ACAP1: variants seen among roughly 807,000 people sequenced by gnomAD.
ACAP1 encodes the protein arf-GAP with coiled-coil, ANK repeat and PH domain-containing protein 1.
ACAP1 carries 45 observed loss-of-function variants against 98.8 expected under a neutral mutation model. That is an observed-to-expected ratio of 0.46 (90% CI 0.36 to 0.58). The LOEUF is 0.58. ACAP1 is among the 20% of genes least tolerant of loss of function. The pLI, the probability that ACAP1 is intolerant of heterozygous loss-of-function variation, is 0.00. For missense variants in ACAP1, 735 were observed against 971.4 expected (o/e 0.76, Z 3.24); for synonymous variants, 362 against 375.3 (o/e 0.96, Z 0.41).
chr17:7,348,207 G>A lies in ACAP1; in HGVS notation c.1494G>A (p.Gly498=), dbSNP rs770918411. 4 of 1,613,786 alleles carry A rather than the reference G, an allele frequency of 2.5e-6. No individual in the cohort carries two copies. The highest frequency in any genetic ancestry group is 3.4e-6 in the Non-Finnish European group (4 of 1,179,896). ...RVEAMAVKKP[G]PSCSRQEKEA... The stretch of plus-strand genomic sequence containing the variant: ...AGGCCATGGCAGTGAAGAAACCAGG[G>A]CCCAGCTGCTCCCGGTGAGCTTGGG... The change falls in exon 16 of 22, where the codon GGG becomes GGA. Residue 498 remains glycine, a synonymous_variant. Coordinates refer to ENST00000158762, the MANE Select transcript of ACAP1 (RefSeq NM_014716.4).
At position 7,348,446 on chromosome 17, in the gene ACAP1, C is replaced by T. The variant is rs752111326; in HGVS notation, c.1649C>T (p.Pro550Leu). 5 of 1,491,154 alleles carry T rather than the reference C, an allele frequency of 3.4e-6. No homozygotes were observed. Among genetic ancestry groups the T allele is most frequent in the African/African-American group, 1.4e-5 (1 of 71,382 alleles). The allele number at this position is 1,491,154 out of a possible 1,614,324, so 92.4% of individuals were successfully genotyped here. The change falls in exon 17 of 22, where the codon CCC becomes CTC. Residue 550 changes from proline (P) to leucine (L), a missense_variant. By Grantham distance (98) the Pro-to-Leu change is moderately conservative. This residue lies in a region of ACAP1 where 80 missense variants were observed against 64.4 expected (regional missense o/e 1.24). Coordinates refer to ENST00000158762, the MANE Select transcript of ACAP1 (RefSeq NM_014716.4). The stretch of plus-strand genomic sequence containing the variant: ...GTGCCCCCAAAGCCTTCCATCAGGC[C>T]CCGGCCAGGGAGCTTGAGATCCAAG... ...PPVPPKPSIR[P>L]RPGSLRSKPE...
At position 7,346,896 on chromosome 17, in the gene ACAP1, G is replaced by A; in HGVS notation, c.1096G>A (p.Ala366Thr). The A allele has an allele frequency of 1.2e-6, 2 of 1,613,092 alleles. No homozygotes were observed. Among genetic ancestry groups the A allele is most frequent in the Non-Finnish European group, 1.7e-6 (2 of 1,179,210 alleles). The change falls in exon 13 of 22, where the codon GCT becomes ACT. Residue 366 changes from alanine (A) to threonine (T), a missense_variant. Coordinates refer to ENST00000158762, the MANE Select transcript of ACAP1 (RefSeq NM_014716.4). ...QSSIASAFSQ[A>T]RLDDSPRGPG... The stretch of plus-strand genomic sequence containing the variant: ...CAGCATTGCTTCTGCCTTCAGTCAG[G>A]CTCGCCTTGATGACAGCCCCCGGGG...
At chr17:7,338,151 A>G (rs2143015638) in intron 2 of ACAP1, among the ~76,000 whole-genome samples, 1 of 152,314 alleles carries the variant, frequency 6.6e-6, no homozygotes, top group East Asian at 1.9e-4. Flanking sequence ...CTTGCTATAT[A>G]TTAGTTCTCT....
chr17:7,348,031 G>A (rs1292037537), intron 15 of ACAP1, 40 bp downstream of exon 15: 1 of 1,612,540 alleles, frequency 6.2e-7, no homozygotes, highest in Non-Finnish European at 8.5e-7. Context: ...CAAGAACTTG[G>A]GGTGGGGCAA....
In ACAP1 at chr17:7,344,039, C is replaced by T. The variant is rs1292170907; in HGVS notation, c.670-10C>T. The stretch of plus-strand genomic sequence containing the variant: ...GCCTTGGACATCTGAGATGCCCTTC[C>T]TGTGCCCAGTTGCACCAGCTGGTCT... On this transcript the variant is annotated splice_polypyrimidine_tract_variant and intron_variant, in intron 8 of 21. Coordinates refer to ENST00000158762, the MANE Select transcript of ACAP1 (RefSeq NM_014716.4). The surrounding 1 kb of genome is among the most constrained non-coding windows in gnomAD (Gnocchi z 4.9). 4 of 1,588,912 alleles carry T rather than the reference C, an allele frequency of 2.5e-6. No individual in the cohort carries two copies. Among genetic ancestry groups the T allele is most frequent in the Non-Finnish European group, 3.4e-6 (4 of 1,167,106 alleles).
chr17:7,346,035 A>T, intron 10 of ACAP1: 1 of 579,404 alleles, frequency 1.7e-6, no homozygotes, highest in Non-Finnish European at 3.1e-6. Context: ...CTTCATAACT[A>T]TATGAAATCT....
In ACAP1 at chr17:7,346,853, G is replaced by T. The variant is rs867721457; in HGVS notation, c.1053G>T (p.Trp351Cys). ...QADSERLLQL[W>C]VSAVQSSIAS... ...ACTCAGAGCGCCTCCTGCAGCTGTG[G>T]GTCAGTGCTGTGCAGAGCAGCATTG... Residue 351 changes from tryptophan (W) to cysteine (C), a missense_variant, in exon 13 of 22, where the codon TGG becomes TGT. Transcript: ENST00000158762. 1 of 1,613,610 alleles carries T rather than the reference G, an allele frequency of 6.2e-7. No individual in the cohort carries two copies. The highest frequency in any genetic ancestry group is 1.3e-5 in the African/African-American group (1 of 74,914).
chr17:7,348,794 TC>T, intron 17 of ACAP1, 200 bp from the exon 18 acceptor site: 1 of 591,600 alleles, frequency 1.7e-6, no homozygotes, highest in Non-Finnish European at 2.9e-6. Context: ...ATGCCGTCTC[TC>T]CCCCACACCC....
rs1384988329 is a variant in ACAP1, at chr17:7,350,399, C to T, written c.2072+162C>T. The T allele has an allele frequency of 6.5e-6, 4 of 612,350 alleles. No homozygotes were observed. Among genetic ancestry groups the T allele is most frequent in the African/African-American group, 3.7e-5 (2 of 53,638 alleles). 37.9% of individuals were successfully genotyped at this position (612,350 alleles called of 1,614,324 possible). A position where few individuals can be genotyped will look rare whatever the true frequency, so the allele number is the denominator to read the frequency against. On this transcript the variant is annotated intron_variant, in intron 20 of 21. Transcript: ENST00000158762. The surrounding 1 kb of genome is among the most constrained non-coding windows in gnomAD (Gnocchi z 4.6). ...CCGGGGCCAGGCTCGAGAAAGGCTG[C>T]GCGAAGTGTGCACTGGGACGTGGAG...
In ACAP1 at chr17:7,344,005, A is replaced by C. The variant is rs752777957; in HGVS notation, c.670-44A>C. The stretch of plus-strand genomic sequence containing the variant: ...TGGTAGAGGGAGGTTAGGGACTCCT[A>C]ACTGGGGGGCCTTGGACATCTGAGA... On this transcript the variant is annotated intron_variant, in intron 8 of 21. Transcript: ENST00000158762. The surrounding 1 kb of genome is among the most constrained non-coding windows in gnomAD (Gnocchi z 4.9). 3.2e-6 allele frequency: 5 copies of C among 1,575,846 alleles called. No individual in the cohort carries two copies. In the South Asian group the frequency reaches 5.7e-5, roughly 18 times the overall value.
Position 7,344,013 on chromosome 17 carries a change from G to A in ACAP1, c.670-36G>A, listed in dbSNP as rs754039032. ...GGAGGTTAGGGACTCCTAACTGGGG[G>A]GCCTTGGACATCTGAGATGCCCTTC... On this transcript the variant is annotated intron_variant, in intron 8 of 21. Coordinates refer to ENST00000158762, the MANE Select transcript of ACAP1 (RefSeq NM_014716.4). The surrounding 1 kb of genome is among the most constrained non-coding windows in gnomAD (Gnocchi z 4.9). The A allele has an allele frequency of 9.5e-6, 15 of 1,577,676 alleles. No homozygotes were observed. The South Asian group carries it at 1.0e-4, about 11-fold the overall frequency.
chr17:7,337,706 C>T (rs2143015571), intron 2 of ACAP1, among the ~76,000 whole-genome samples: 1 of 152,110 alleles, frequency 6.6e-6, no homozygotes, highest in South Asian at 2.1e-4. Context: ...ATGCAAAAAT[C>T]ATCCAGGCTT....
chr17:7,351,231 C>T, intron 21 of ACAP1, 64 bp from the exon 22 acceptor site: 2 of 1,409,258 alleles, frequency 1.4e-6, no homozygotes, highest in South Asian at 1.3e-5. Context: ...TGGGCCCCAA[C>T]CGCCGGATCC....
chr17:7,344,106 G>T lies in ACAP1; in HGVS notation c.727G>T (p.Val243Leu). 1 of 1,580,376 alleles carries T rather than the reference G, an allele frequency of 6.3e-7. No individual in the cohort carries two copies. Among genetic ancestry groups the T allele is most frequent in the Non-Finnish European group, 8.6e-7 (1 of 1,162,620 alleles). The change falls in exon 9 of 22, where the codon GTG becomes TTG. Residue 243 changes from valine (V) to leucine (L), a missense_variant. Val to Leu is a conservative substitution (Grantham distance 32). Around this residue, in one of 5 missense-constraint regions of ACAP1, gnomAD observed 430 missense variants for 531.8 expected, o/e 0.81. Coordinates refer to ENST00000158762, the MANE Select transcript of ACAP1 (RefSeq NM_014716.4). This position sits in a 1 kb window ranked among gnomAD's most constrained non-coding sequence, Gnocchi z 4.9. ...GAAGAGGGACATGGAGCAGAGACACGTGCTGCTGAAACAGAAGGTGAGGGG... is the reference window on the plus strand; with the variant it reads ...GAAGAGGGACATGGAGCAGAGACACTTGCTGCTGAAACAGAAGGTGAGGGG... ...REKRDMEQRH[V>L]LLKQKELGGE...
Position 7,350,611 on chromosome 17 carries a change from C to CTTT in ACAP1, c.2073-326_2073-324dup, listed in dbSNP as rs35927903. 3.4e-5 allele frequency: 9 copies of CTTT among 264,250 alleles called. No homozygotes were observed. The highest frequency in any genetic ancestry group is 8.8e-5 in the East Asian group (1 of 11,364). The allele number at this position is 264,250 out of a possible 1,614,324, so 16.4% of individuals were successfully genotyped here. ...AAGTTGTGGGGGAGGTGAGGATAGT[C>CTTT]TTTTTTTTTTTTTTTGAGACGGAGT... On this transcript the variant is annotated intron_variant, in intron 20 of 21. Coordinates refer to ENST00000158762, the MANE Select transcript of ACAP1 (RefSeq NM_014716.4). This position sits in a 1 kb window ranked among gnomAD's most constrained non-coding sequence, Gnocchi z 4.6.
At position 7,346,281 on chromosome 17, in the gene ACAP1, CAGA is replaced by C. The variant is rs1162404173; in HGVS notation, c.898_900del (p.Lys300del). On this transcript the variant is annotated inframe_deletion, in exon 11 of 22. Transcript: ENST00000158762. ...CATTCAGAGCAACCAACTGGTTTAC[CAGA>C]AGAAGTACAAGGTGAGTGGACCTGG... 8.7e-6 allele frequency: 14 copies of C among 1,614,084 alleles called. No individual in the cohort carries two copies. Among genetic ancestry groups the C allele is most frequent in the Admixed American group, 1.7e-5 (1 of 60,004 alleles).
chr17:7,351,274 G>A (rs1228208140), intron 21 of ACAP1, 21 bp from the exon 22 acceptor site: 2 of 1,599,684 alleles, frequency 1.3e-6, no homozygotes, highest in Admixed American at 1.7e-5. Context: ...GCCGCCTCCC[G>A]GCCTTTCCTC....
chr17:7,346,949 T>C lies in ACAP1; in HGVS notation c.1131+18T>C. 1.2e-6 allele frequency: 2 copies of C among 1,602,618 alleles called. No individual in the cohort carries two copies. Among genetic ancestry groups the C allele is most frequent in the Non-Finnish European group, 1.7e-6 (2 of 1,172,096 alleles). Reference sequence around the variant, plus strand: ...CAGGCCAGGTACCTTAACCTGGGGGTGCGGAGCCAGGCTGCCTGTGGAGAT... The same window carrying C: ...CAGGCCAGGTACCTTAACCTGGGGGCGCGGAGCCAGGCTGCCTGTGGAGAT... On this transcript the variant is annotated intron_variant, in intron 13 of 21. Transcript: ENST00000158762.
intron 1 of ACAP1, 58 bp downstream of exon 1, chr17:7,336,845 C>G: frequency 6.4e-7 from 1 of 1,571,010 alleles, no homozygotes; most frequent in Non-Finnish European, 8.8e-7. Flanking sequence ...CCCCAGCACA[C>G]ACACACCTTT....
Sources: gnomAD v4.1 joint callset for allele counts (sites outside exome capture counted in the v4.1 genomes callset) on GRCh38, gnomAD v4.1.1 for gene constraint, gnomAD v4.1.1 regional missense constraint, Gnocchi (gnomAD v3.1) non-coding constraint, MANE v1.5 for transcripts, NCBI Gene and HGNC (gene_info 2026-07-23, HGNC 2026-07-21) for gene names.